Variants in KIAA1549L observed in about 807,000 individuals in gnomAD.
KIAA1549L encodes KIAA1549 like, also known as UPF0606 protein KIAA1549L.
Under a neutral mutation model 160.7 loss-of-function variants are expected in KIAA1549L, and 88 were observed. The observed-to-expected ratio is 0.55, with a 90% CI of 0.46 to 0.65. The LOEUF (loss-of-function observed/expected upper bound fraction) is 0.65, where lower values mean the gene tolerates loss of function less well. Ranked by LOEUF, KIAA1549L falls within the 30% of genes least tolerant of loss-of-function variation. KIAA1549L has a pLI of 0.00. For synonymous variants in KIAA1549L, 950 were observed against 976.7 expected (o/e 0.97, Z 0.51); for missense variants, 2,258 against 2,437.5 (o/e 0.93, Z 1.55).
At chr11:33,541,401 T>C (rs1460231499) in intron 1 of KIAA1549L, among the ~76,000 whole-genome samples, 1 of 152,218 alleles carries the variant, frequency 6.6e-6, no homozygotes, top group Non-Finnish European at 1.5e-5. Flanking sequence ...GATTCGTGCT[T>C]GAATACACAG....
intron 1 of KIAA1549L, among the ~76,000 whole-genome samples, chr11:33,431,844 G>C (rs190117467): frequency 1.8e-4 from 27 of 152,360 alleles, no homozygotes; most frequent in African/African-American, 3.1e-4. Flanking sequence ...CAGGGAGGCC[G>C]GGGAAGGCTC....
intron 1 of KIAA1549L, among the ~76,000 whole-genome samples, chr11:33,417,183 A>G (rs1195184505): frequency 6.6e-6 from 1 of 152,208 alleles, no homozygotes; most frequent in African/African-American, 2.4e-5. Context: ...TGGCTGGCAC[A>G]TACAACATCG....
intron 1 of KIAA1549L, among the ~76,000 whole-genome samples, chr11:33,439,263 C>G (rs1851443779): frequency 6.6e-6 from 1 of 151,906 alleles, no homozygotes; most frequent in South Asian, 2.1e-4. Context: ...TGGTTTTTTA[C>G]CTTTTAAAAT....
chr11:33,639,480 A>G (rs1371644297), intron 16 of KIAA1549L, among the ~76,000 whole-genome samples: 1 of 152,114 alleles, frequency 6.6e-6, no homozygotes, highest in Admixed American at 6.6e-5. Context: ...CTCACCTGGT[A>G]ATTCTCCTTC....
At chr11:33,570,425 T>C (rs1318604999) in intron 9 of KIAA1549L, among the ~76,000 whole-genome samples, 1 of 140,202 alleles carries the variant, frequency 7.1e-6, no homozygotes, top group East Asian at 2.1e-4. Flanking sequence ...GATCACCTTG[T>C]AACATACCCT....
intron 1 of KIAA1549L, among the ~76,000 whole-genome samples, chr11:33,470,280 T>C (rs1223130634): frequency 6.6e-6 from 1 of 152,250 alleles, no homozygotes; most frequent in Admixed American, 6.5e-5. Flanking sequence ...CCTTCTTTTC[T>C]CATTGAATTG....
chr11:33,609,017 A>C (rs1850579331), intron 14 of KIAA1549L, among the ~76,000 whole-genome samples: 1 of 152,242 alleles, frequency 6.6e-6, no homozygotes, highest in Non-Finnish European at 1.5e-5. Flanking sequence ...TTGGTGTGAC[A>C]TTCTCATCAC....
At chr11:33,458,847 C>T (rs529412575) in intron 1 of KIAA1549L, among the ~76,000 whole-genome samples, 2 of 152,232 alleles carry the variant, frequency 1.3e-5, no homozygotes, top group Admixed American at 6.5e-5. Context: ...AGCTTGTGTC[C>T]CCCCTGGGAA....
intron 19 of KIAA1549L, 151 bp from the exon 20 acceptor site, chr11:33,660,712 A>G: frequency 1.5e-6 from 1 of 681,724 alleles, no homozygotes; most frequent in Non-Finnish European, 2.4e-6. Flanking sequence ...AGCCCAGAGC[A>G]AGCTCCCCTC....
intron 4 of KIAA1549L, among the ~76,000 whole-genome samples, chr11:33,548,420 C>A (rs1178280705): frequency 6.6e-6 from 1 of 152,162 alleles, no homozygotes; most frequent in African/African-American, 2.4e-5. Context: ...CACAAACAAA[C>A]AAACAAGCCT....
chr11:33,561,053 C>T (rs1372076679), intron 7 of KIAA1549L, among the ~76,000 whole-genome samples: 1 of 152,182 alleles, frequency 6.6e-6, no homozygotes, highest in African/African-American at 2.4e-5. Flanking sequence ...AATCCCTTTG[C>T]ATGTATCAAC....
intron 1 of KIAA1549L, among the ~76,000 whole-genome samples, chr11:33,427,836 G>A (rs1565132115): frequency 6.6e-6 from 1 of 152,108 alleles, no homozygotes; most frequent in African/African-American, 2.4e-5. Flanking sequence ...CCGTGTCTAT[G>A]GATTTACTTG....
Position 33,537,524 on chromosome 11 carries a change from A to G in KIAA1549L, c.239-4278A>G, listed in dbSNP as rs1853920232. Among the ~76,000 whole-genome samples the G allele has an allele frequency of 2.0e-5, 3 of 152,266 alleles. No individual in the cohort carries two copies. The South Asian group carries it at 6.2e-4, about 32-fold the overall frequency. On this transcript the variant is annotated intron_variant, in intron 1 of 20. Transcript: ENST00000658780. ...AAATATGCACTTTGGGGAATTTCTA[A>G]TGGTGGAGAATTCACTGACTTTAAG...
chr11:33,609,833 G>C lies in KIAA1549L; in HGVS notation c.5146G>C (p.Asp1716His). ...CAAAGCCAAGAGGAAGGGATATTAC[G>C]ACTTCCCTGCAGTGGAGACGAGCAA... Reference protein sequence around the residue: ...RLKAKRKGYYDFPAVETSKGL... With the variant: ...RLKAKRKGYYHFPAVETSKGL... The change falls in exon 15 of 21, where the codon GAC (aspartate) becomes CAC (histidine). Residue 1716 changes from aspartate to histidine, a missense_variant. Physicochemically the swap from Asp to His is moderately conservative, Grantham distance 81. Transcript: ENST00000658780. 1 of 1,613,886 alleles carries C rather than the reference G, an allele frequency of 6.2e-7. No individual in the cohort carries two copies. The highest frequency in any genetic ancestry group is 1.7e-5 in the Admixed American group (1 of 60,022).
chr11:33,421,897 A>G (rs1851019601), intron 1 of KIAA1549L, among the ~76,000 whole-genome samples: 2 of 152,120 alleles, frequency 1.3e-5, no homozygotes, highest in Admixed American at 1.3e-4. Context: ...CCTGCTACCA[A>G]GAGTTGATTG....
At chr11:33,442,019 G>T (rs1449803624) in intron 1 of KIAA1549L, among the ~76,000 whole-genome samples, 1 of 151,938 alleles carries the variant, frequency 6.6e-6, no homozygotes, top group Non-Finnish European at 1.5e-5. Flanking sequence ...GAATGGTATT[G>T]CCTAGGTTTT....
chr11:33,548,435 A>T (rs1854339596), intron 4 of KIAA1549L, among the ~76,000 whole-genome samples: 1 of 152,218 alleles, frequency 6.6e-6, no homozygotes. Flanking sequence ...AAGCCTGGAT[A>T]TATTGTTTTA....
intron 1 of KIAA1549L, among the ~76,000 whole-genome samples, chr11:33,461,428 C>T (rs1851939927): frequency 6.6e-6 from 1 of 152,150 alleles, no homozygotes; most frequent in Admixed American, 6.5e-5. Flanking sequence ...CGAGAAAATG[C>T]CTGACTCTGA....
At chr11:33,428,560 C>T (rs1261274215) in intron 1 of KIAA1549L, among the ~76,000 whole-genome samples, 2 of 151,196 alleles carry the variant, frequency 1.3e-5, no homozygotes, top group African/African-American at 4.9e-5. Context: ...GTTTGGTTTT[C>T]TGTCCTTGCG....
Sources: gnomAD v4.1 joint callset for allele counts (sites outside exome capture counted in the v4.1 genomes callset) on GRCh38, gnomAD v4.1.1 for gene constraint, MANE v1.5 for transcripts, NCBI Gene and HGNC (gene_info 2026-07-23, HGNC 2026-07-21) for gene names.